The following LCOR variants were observed in gnomAD, a reference collection of about 807,000 sequenced individuals.
LCOR encodes the protein ligand-dependent corepressor.
Under a neutral mutation model 64.4 loss-of-function variants are expected in LCOR, and 14 were observed. That is an observed-to-expected ratio of 0.22 (90% confidence interval 0.14 to 0.34). The LOEUF (loss-of-function observed/expected upper bound fraction) is 0.34. LCOR is among the 10% of genes least tolerant of loss of function. LCOR has a pLI of 1.00. For synonymous variants in LCOR, 643 were observed against 642.5 expected (o/e 1.00, Z -0.01); for missense variants, 1,686 against 1,765.3 (o/e 0.96, Z 0.80).
intron 4 of LCOR, among the ~76,000 whole-genome samples, chr10:96,941,190 T>C (rs1847460497): frequency 7.9e-6 from 1 of 126,718 alleles, no homozygotes; most frequent in African/African-American, 3.3e-5. Flanking sequence ...GGCGGGGGGC[T>C]GACCCCCCCA....
At chr10:96,839,930 C>G (rs745946616) in intron 2 of LCOR, among the ~76,000 whole-genome samples, 6 of 152,248 alleles carry the variant, frequency 3.9e-5, no homozygotes, top group Non-Finnish European at 7.3e-5. Context: ...TTCCGCCTCT[C>G]TTGGCCTCCC....
intron 7 of LCOR, chr10:96,958,268 T>G: frequency 7.5e-7 from 1 of 1,336,592 alleles, no homozygotes; most frequent in South Asian, 2.3e-5. Flanking sequence ...GTTCAACTTT[T>G]GTAGAGTTTA....
At chr10:96,853,241 G>A (rs1257281773) in intron 2 of LCOR, among the ~76,000 whole-genome samples, 1 of 152,026 alleles carries the variant, frequency 6.6e-6, no homozygotes, top group Non-Finnish European at 1.5e-5. Flanking sequence ...AGTAGAGATG[G>A]GATTTTGCCA....
chr10:96,859,274 A>G (rs1413456007), intron 2 of LCOR, among the ~76,000 whole-genome samples: 2 of 152,190 alleles, frequency 1.3e-5, no homozygotes, highest in East Asian at 1.9e-4. Context: ...CAATGGCACA[A>G]TCTCGGCTCA....
At position 96,839,677 on chromosome 10, in the gene LCOR, A is replaced by G. The variant is rs538234407; in HGVS notation, c.-330+6198A>G. ...ACCCAGACATCTGACAAGTTATACA[A>G]TATATTTTTTCTTGCTTTTTTTTTT... On this transcript the variant is annotated intron_variant, in intron 2 of 7. Transcript: ENST00000421806. 3.3e-5 allele frequency among the ~76,000 whole-genome samples: 5 copies of G among 151,962 alleles called. No homozygotes were observed. In the East Asian group the frequency reaches 9.7e-4, roughly 29 times the overall value.
rs138025245 is a variant in LCOR at position 96,892,665 on chromosome 10, A to G, written c.-329-14600A>G. On this transcript the variant is annotated intron_variant, in intron 2 of 7. Coordinates refer to ENST00000421806, the MANE Select transcript of LCOR (RefSeq NM_001346516.2). ...TTAATCCTATCACCTTGGAGGTGAT[A>G]GGATTTCAACATATGAATTTTTGGG... is the stretch of plus-strand genomic sequence containing the variant. 6.4e-4 allele frequency among the ~76,000 whole-genome samples: 97 copies of G among 152,288 alleles called. 2 individuals carry two copies. In the East Asian group the frequency reaches 0.015, roughly 24 times the overall value.
chr10:96,880,860 T>C (rs1375218278), intron 2 of LCOR, among the ~76,000 whole-genome samples: 2 of 152,262 alleles, frequency 1.3e-5, no homozygotes, highest in African/African-American at 4.8e-5. Flanking sequence ...GATATTTGTT[T>C]CTTATATTGA....
intron 4 of LCOR, among the ~76,000 whole-genome samples, chr10:96,908,957 C>A (rs1223111066): frequency 6.6e-6 from 1 of 152,088 alleles, no homozygotes; most frequent in East Asian, 1.9e-4. Flanking sequence ...CCTTGTGATC[C>A]GCCCGCCTCG....
Position 96,982,709 on chromosome 10 carries a change from G to A in LCOR, c.2249G>A (p.Ser750Asn). Residue 750 changes from serine (S) to asparagine (N), a missense_variant, in exon 8 of 8, where the codon AGC becomes AAC. Ser to Asn is a conservative substitution (Grantham distance 46, BLOSUM62 1). Around this residue, in one of 3 missense-constraint regions of LCOR, gnomAD observed 1,293 missense variants for 1,410.4 expected, o/e 0.92. Transcript: ENST00000421806. ...AATGTCGACCCACTCTTGAAGGAAA[G>A]CAGCACTTTTACTGATGAAAACCCC... is the stretch of plus-strand genomic sequence containing the variant. ...ELNVDPLLKE[S>N]STFTDENPSE... 2 of 1,614,176 alleles carry A rather than the reference G, an allele frequency of 1.2e-6. No homozygotes were observed. The highest frequency in any genetic ancestry group is 1.7e-6 in the Non-Finnish European group (2 of 1,180,042).
At chr10:96,836,405 C>T (rs1194663692) in intron 2 of LCOR, among the ~76,000 whole-genome samples, 2 of 152,112 alleles carry the variant, frequency 1.3e-5, no homozygotes, top group African/African-American at 4.8e-5. Flanking sequence ...TTCAGAGTAC[C>T]TGCCTGATCA....
intron 4 of LCOR, among the ~76,000 whole-genome samples, chr10:96,929,943 C>A (rs1485142520): frequency 6.6e-6 from 1 of 152,138 alleles, no homozygotes; most frequent in African/African-American, 2.4e-5. Context: ...TAACATTTAT[C>A]AATTTAGTTC....
At chr10:96,970,475 C>G (rs1042448611) in intron 7 of LCOR, among the ~76,000 whole-genome samples, 4 of 151,828 alleles carry the variant, frequency 2.6e-5, no homozygotes, top group Non-Finnish European at 5.9e-5. Context: ...GTAATTTTGA[C>G]TAGATAGAGA....
At chr10:96,913,153 T>G (rs1846874514) in intron 4 of LCOR, among the ~76,000 whole-genome samples, 1 of 152,224 alleles carries the variant, frequency 6.6e-6, no homozygotes, top group South Asian at 2.1e-4. Flanking sequence ...AAAACTCTAG[T>G]TCCTTTTAAT....
intron 7 of LCOR, among the ~76,000 whole-genome samples, chr10:96,974,308 A>G (rs143761333): frequency 6.6e-6 from 1 of 152,334 alleles, no homozygotes; most frequent in African/African-American, 2.4e-5. Flanking sequence ...CCTTTATGAG[A>G]AGTGGGAGTA....
At position 96,989,424 on chromosome 10, in the gene LCOR, T is replaced by G. The variant is rs567487458; in HGVS notation, c.*4290T>G. ...GAATGTCACATTTAGATATGGAAAATGTTTTTTCACAGAGTAGAAACAAAG... is the reference window on the plus strand; with the variant it reads ...GAATGTCACATTTAGATATGGAAAAGGTTTTTTCACAGAGTAGAAACAAAG... On this transcript the variant is annotated 3_prime_UTR_variant, in exon 8 of 8. Transcript: ENST00000421806. 1.3e-5 allele frequency: 2 copies of G among 151,982 alleles called. No individual in the cohort carries two copies. The highest frequency in any genetic ancestry group is 4.1e-4 in the South Asian group (2 of 4,830). The allele number at this position is 151,982 out of a possible 1,614,324, so 9.4% of individuals were successfully genotyped here.
chr10:96,939,261 T>A lies in LCOR; in HGVS notation c.-183-4852T>A, dbSNP rs181699538. Among the ~76,000 whole-genome samples the A allele has an allele frequency of 4.5e-3, 684 of 152,264 alleles. 3 individuals carry two copies. The highest frequency in any genetic ancestry group is 0.01 in the Middle Eastern group (3 of 294). On this transcript the variant is annotated intron_variant, in intron 4 of 7. Coordinates refer to ENST00000421806, the MANE Select transcript of LCOR (RefSeq NM_001346516.2). The stretch of plus-strand genomic sequence containing the variant: ...AACAGTTCGTTGGGGGAAAGAATTG[T>A]TTTTTCACCAAAAGATGCTGGAACC...
intron 5 of LCOR, among the ~76,000 whole-genome samples, chr10:96,947,311 A>T (rs1263097559): frequency 6.6e-6 from 1 of 152,102 alleles, no homozygotes; most frequent in African/African-American, 2.4e-5. Context: ...ACTCCAGAAG[A>T]TGAAATAAAT....
At position 96,982,339 on chromosome 10, in the gene LCOR, G is replaced by A. The variant is rs1479523915; in HGVS notation, c.1879G>A (p.Glu627Lys). The stretch of plus-strand genomic sequence containing the variant: ...GCCTCTCCCTGCTCACCTTCCTGAA[G>A]AGGACCTGCCAGAAGGTGGCTCCAC... The part of the protein sequence containing the change: ...VWPLPAHLPE[E>K]DLPEGGSTVS... The change falls in exon 8 of 8, where the codon GAG (glutamate) becomes AAG (lysine). Residue 627 changes from glutamate (E) to lysine (K), a missense_variant. Physicochemically the swap from Glu to Lys is moderately conservative, Grantham distance 56. This residue lies in a region of LCOR where 1,293 missense variants were observed against 1,410.4 expected (regional missense o/e 0.92). Coordinates refer to ENST00000421806, the MANE Select transcript of LCOR (RefSeq NM_001346516.2). The A allele has an allele frequency of 2.5e-6, 4 of 1,614,102 alleles. No individual in the cohort carries two copies. The highest frequency in any genetic ancestry group is 1.3e-5 in the African/African-American group (1 of 74,936).
At chr10:96,958,015 A>G in intron 7 of LCOR, 3 of 1,003,402 alleles carry the variant, frequency 3.0e-6, no homozygotes, top group Non-Finnish European at 3.6e-6. Flanking sequence ...ATTGAAGGAA[A>G]TCATAGAAAG....
Sources: gnomAD v4.1 joint callset for allele counts (sites outside exome capture counted in the v4.1 genomes callset) on GRCh38, gnomAD v4.1.1 for gene constraint, gnomAD v4.1.1 regional missense constraint, MANE v1.5 for transcripts, NCBI Gene and HGNC (gene_info 2026-07-23, HGNC 2026-07-21) for gene names.